QTMAN: variants seen among roughly 807,000 people sequenced by gnomAD.
QTMAN encodes the protein tRNA-queuosine alpha-mannosyltransferase.
the QTMAN span, among the ~76,000 whole-genome samples, chr2:144,239,500 G>C: frequency 3.9e-5 from 6 of 152,116 alleles, no homozygotes; most frequent in Admixed American, 3.3e-4. Flanking sequence ...TGACTGGTGG[G>C]GGGTGGGAGG....
the QTMAN span, among the ~76,000 whole-genome samples, chr2:144,104,367 G>A: frequency 6.6e-6 from 1 of 152,332 alleles, no homozygotes; most frequent in East Asian, 1.9e-4. Flanking sequence ...GCCAAGGGAA[G>A]CGGTGATGGA....
chr2:144,209,978 A>T, the QTMAN span, among the ~76,000 whole-genome samples: 1 of 151,834 alleles, frequency 6.6e-6, no homozygotes, highest in Non-Finnish European at 1.5e-5. Flanking sequence ...ATTTCAAAGC[A>T]AAAAGGCTTC....
the QTMAN span, among the ~76,000 whole-genome samples, chr2:144,280,474 G>T: frequency 1.3e-5 from 2 of 152,020 alleles, no homozygotes; most frequent in Non-Finnish European, 2.9e-5. Context: ...AGGATTTTGG[G>T]GGTTTTTTTG....
chr2:144,060,261 T>C, the QTMAN span, among the ~76,000 whole-genome samples: 2 of 152,176 alleles, frequency 1.3e-5, no homozygotes, highest in East Asian at 1.9e-4. Flanking sequence ...CATCTTAATT[T>C]TTTTTTTTCT....
chr2:144,064,760 G>A, the QTMAN span, among the ~76,000 whole-genome samples: 1 of 152,124 alleles, frequency 6.6e-6, no homozygotes, highest in African/African-American at 2.4e-5. Context: ...AGAGAACTGT[G>A]GCAAAAATTC....
chr2:144,184,854 T>G, the QTMAN span, among the ~76,000 whole-genome samples: 30 of 152,042 alleles, frequency 2.0e-4, no homozygotes, highest in African/African-American at 7.2e-4. Context: ...ATAAGTAAAT[T>G]TTAAAAATAA....
chr2:144,235,285 G>T, the QTMAN span, among the ~76,000 whole-genome samples: 2 of 152,008 alleles, frequency 1.3e-5, no homozygotes, highest in Non-Finnish European at 2.9e-5. Context: ...CATAAAACGA[G>T]GGGAAAATCT....
chr2:144,247,644 A>C, the QTMAN span, among the ~76,000 whole-genome samples: 2 of 152,208 alleles, frequency 1.3e-5, no homozygotes, highest in Admixed American at 1.3e-4. Context: ...GAAACAGATA[A>C]AAGGCTGCCT....
At chr2:143,982,620 G>T in the QTMAN span, among the ~76,000 whole-genome samples, 1 of 151,608 alleles carries the variant, frequency 6.6e-6, no homozygotes, top group Non-Finnish European at 1.5e-5. Context: ...CAGTACTTTG[G>T]CAGGCTGAGG....
chr2:144,153,616 A>T, the QTMAN span, among the ~76,000 whole-genome samples: 1 of 152,124 alleles, frequency 6.6e-6, no homozygotes, highest in Non-Finnish European at 1.5e-5. Context: ...GCGTGAACCC[A>T]GGAGGCACAG....
the QTMAN span, among the ~76,000 whole-genome samples, chr2:144,196,671 T>C: frequency 6.6e-6 from 1 of 152,214 alleles, no homozygotes. Context: ...CATATTGCCT[T>C]ATTCACCTTT....
chr2:143,947,261 C>G, the QTMAN span: 1 of 678,980 alleles, frequency 1.5e-6, no homozygotes, highest in Non-Finnish European at 2.6e-6. Context: ...CAAAAAGCCA[C>G]CAAGTAAATG....
the QTMAN span, among the ~76,000 whole-genome samples, chr2:144,017,743 A>G: frequency 6.6e-6 from 1 of 152,202 alleles, no homozygotes; most frequent in African/African-American, 2.4e-5. Context: ...TATATTGATA[A>G]TAGTGGTGAA....
the QTMAN span, among the ~76,000 whole-genome samples, chr2:144,102,091 G>A: frequency 6.6e-6 from 1 of 152,178 alleles, no homozygotes; most frequent in South Asian, 2.1e-4. Flanking sequence ...TTAAACAACT[G>A]AGTAACTGGC....
At chr2:144,306,514 T>C in the QTMAN span, among the ~76,000 whole-genome samples, 3 of 152,130 alleles carry the variant, frequency 2.0e-5, no homozygotes, top group Admixed American at 1.3e-4. Flanking sequence ...ACTCTAGTTT[T>C]TCCTTCTTCT....
At chr2:144,158,708 C>T in the QTMAN span, among the ~76,000 whole-genome samples, 3 of 151,966 alleles carry the variant, frequency 2.0e-5, no homozygotes, top group South Asian at 2.1e-4. Flanking sequence ...GCATTAACAA[C>T]ATTATGTTTG....
the QTMAN span, among the ~76,000 whole-genome samples, chr2:144,023,967 T>C: frequency 3.9e-5 from 6 of 152,250 alleles, no homozygotes; most frequent in Admixed American, 6.5e-5. Context: ...CTGTACTTTA[T>C]ACACATTTAA....
chr2:144,078,615 T>G, the QTMAN span, among the ~76,000 whole-genome samples: 1 of 152,146 alleles, frequency 6.6e-6, no homozygotes, highest in Non-Finnish European at 1.5e-5. Flanking sequence ...CTCTTACAAT[T>G]CATAGTAAAT....
chr2:144,223,109 T>C, the QTMAN span, among the ~76,000 whole-genome samples: 4 of 152,188 alleles, frequency 2.6e-5, no homozygotes, highest in Non-Finnish European at 4.4e-5. Flanking sequence ...TTTCAAATAA[T>C]ATGAAATCAC....
Sources: allele counts gnomAD v4.1 joint callset (sites outside exome capture counted in the v4.1 genomes callset), GRCh38; gene constraint gnomAD v4.1.1; transcripts MANE v1.5; gene names NCBI Gene and HGNC (gene_info 2026-07-23, HGNC 2026-07-21).